Variants in DLC1 observed in about 807,000 individuals in gnomAD.
The protein encoded by DLC1 is DLC1 Rho GTPase activating protein, also known as rho GTPase-activating protein 7.
DLC1 carries 54 observed loss-of-function variants against 140.3 expected under a neutral mutation model. That is an observed-to-expected ratio of 0.38 (90% CI 0.31 to 0.48). The LOEUF is 0.48. Ranked by LOEUF, DLC1 falls within the 20% of genes least tolerant of loss-of-function variation. The pLI, the probability that DLC1 is intolerant of heterozygous loss-of-function variation, is 0.96. For synonymous variants in DLC1, 986 were observed against 728.1 expected (o/e 1.35, Z -5.70); for missense variants, 2,536 against 1,907.0 (o/e 1.33, Z -6.14).
intron 4 of DLC1, among the ~76,000 whole-genome samples, chr8:13,311,968 A>G (rs1832679978): frequency 1.3e-5 from 2 of 152,194 alleles, no homozygotes; most frequent in African/African-American, 4.8e-5. Context: ...GAGATACCTA[A>G]ATGTTGAATT....
At chr8:13,224,783 T>A (rs1828713425) in intron 5 of DLC1, among the ~76,000 whole-genome samples, 1 of 152,106 alleles carries the variant, frequency 6.6e-6, no homozygotes, top group East Asian at 1.9e-4. Context: ...GCCTACAGAT[T>A]TTTTCTCTTC....
intron 1 of DLC1, among the ~76,000 whole-genome samples, chr8:13,508,602 T>A (rs918054544): frequency 5.3e-5 from 8 of 152,134 alleles, no homozygotes; most frequent in Admixed American, 5.2e-4. Flanking sequence ...GTATTTTTAG[T>A]AGAGACAGGG....
intron 1 of DLC1, among the ~76,000 whole-genome samples, chr8:13,533,410 A>C (rs2117311820): frequency 6.6e-6 from 1 of 152,314 alleles, no homozygotes; most frequent in African/African-American, 2.4e-5. Flanking sequence ...GTTTCAGGCA[A>C]AATAACTTAT....
At chr8:13,569,343 A>G (rs756282724) in intron 1 of DLC1, among the ~76,000 whole-genome samples, 9 of 124,864 alleles carry the variant, frequency 7.2e-5, no homozygotes, top group Middle Eastern at 3.8e-3. Flanking sequence ...TAAGACCTTC[A>G]TTTATGTATA....
chr8:13,353,116 A>G (rs1834751081), intron 4 of DLC1, among the ~76,000 whole-genome samples: 1 of 152,156 alleles, frequency 6.6e-6, no homozygotes, highest in Non-Finnish European at 1.5e-5. Flanking sequence ...AAGGTGGCTG[A>G]AAGGTGGCTA....
At chr8:13,322,468 G>A (rs991476780) in intron 4 of DLC1, among the ~76,000 whole-genome samples, 2 of 127,252 alleles carry the variant, frequency 1.6e-5, no homozygotes, top group African/African-American at 2.8e-5. Flanking sequence ...TTATAACCTT[G>A]GATTTCATAT....
Position 13,187,394 on chromosome 8 carries a change from A to G in DLC1, c.1349-71737T>C, listed in dbSNP as rs189198763. On this transcript the variant is annotated intron_variant, in intron 5 of 17. Transcript: ENST00000276297. ...ACCTCCCTAATTTTTTCACTAGACT[A>G]TAGGTCCCATTGGGGCAGAGATTGT... 1.4e-4 allele frequency among the ~76,000 whole-genome samples: 21 copies of G among 152,228 alleles called. No homozygotes were observed. The East Asian group carries it at 1.7e-3, about 13-fold the overall frequency.
At chr8:13,118,833 C>T (rs984258793) in intron 5 of DLC1, among the ~76,000 whole-genome samples, 4 of 152,196 alleles carry the variant, frequency 2.6e-5, no homozygotes, top group African/African-American at 9.6e-5. Context: ...ACAACCCTCT[C>T]TTAAGAGAAT....
intron 1 of DLC1, among the ~76,000 whole-genome samples, chr8:13,520,422 G>C (rs1267169694): frequency 6.6e-6 from 1 of 152,044 alleles, no homozygotes; most frequent in Non-Finnish European, 1.5e-5. Context: ...GAGTTGAACA[G>C]TGGGAACTCA....
At chr8:13,522,877 T>A (rs1269027494) in intron 1 of DLC1, among the ~76,000 whole-genome samples, 1 of 151,962 alleles carries the variant, frequency 6.6e-6, no homozygotes, top group Non-Finnish European at 1.5e-5. Context: ...CATATAGATA[T>A]CTTGGGTCAC....
At chr8:13,377,796 C>T (rs1836068296) in intron 4 of DLC1, among the ~76,000 whole-genome samples, 2 of 151,956 alleles carry the variant, frequency 1.3e-5, no homozygotes, top group Middle Eastern at 3.4e-3. Flanking sequence ...GAATAGGTGG[C>T]GCCTAATGAT....
rs375680192 is a variant in DLC1 at position 13,499,354 on chromosome 8, G to T, written c.718C>A (p.Pro240Thr). The T allele has an allele frequency of 1.3e-5, 21 of 1,613,770 alleles. No homozygotes were observed. The highest frequency in any genetic ancestry group is 1.8e-5 in the Non-Finnish European group (21 of 1,180,006). The change falls in exon 2 of 18, where the codon CCC (proline) becomes ACC (threonine). Residue 240 changes from proline (P) to threonine (T), a missense_variant. Pro to Thr is a conservative substitution (Grantham distance 38). Transcript: ENST00000276297. ...VIAQQRRKPD[P>T]PKDENERSTC... Reference sequence around the variant, plus strand: ...CTTCTTTCATTTTCATCTTTAGGGGGGTCAGGTTTCCTTCGTTGCTGAGCA... The same window carrying T: ...CTTCTTTCATTTTCATCTTTAGGGGTGTCAGGTTTCCTTCGTTGCTGAGCA...
intron 5 of DLC1, among the ~76,000 whole-genome samples, chr8:13,262,572 T>G (rs1045612777): frequency 2.6e-5 from 4 of 152,174 alleles, no homozygotes; most frequent in African/African-American, 9.7e-5. Context: ...TGTTTATTTT[T>G]ATTTAGAGAT....
Position 13,425,038 on chromosome 8 carries a change from A to G in DLC1, c.1024-23419T>C, listed in dbSNP as rs148514623. Among the ~76,000 whole-genome samples the G allele has an allele frequency of 6.6e-5, 10 of 152,044 alleles. No individual in the cohort carries two copies. In the East Asian group the frequency reaches 1.9e-3, roughly 29 times the overall value. ...TTCTATGACTTTTTTTTCACATGCC[A>G]TGTGTCCAGGAATATTGTTTTGAAA... On this transcript the variant is annotated intron_variant, in intron 2 of 17. Transcript: ENST00000276297.
In DLC1 at chr8:13,276,663, C is replaced by T. The variant is rs1831185882; in HGVS notation, c.1348+28606G>A. The T allele has an allele frequency of 6.4e-6, 7 of 1,100,082 alleles. No homozygotes were observed. The South Asian group carries it at 2.0e-4, about 32-fold the overall frequency. The allele number at this position is 1,100,082 out of a possible 1,614,324, so 68.1% of individuals were successfully genotyped here. ...GAGCTGCAGCACAGCTATCCGGAGG[C>T]GTCTCGCTTCCTGTGCAACCCAATG... On this transcript the variant is annotated intron_variant, in intron 5 of 17. Coordinates refer to ENST00000276297, the MANE Select transcript of DLC1 (RefSeq NM_182643.3).
intron 5 of DLC1, among the ~76,000 whole-genome samples, chr8:13,222,770 G>T (rs571650425): frequency 1.3e-5 from 2 of 152,088 alleles, no homozygotes; most frequent in African/African-American, 4.8e-5. Context: ...GGGGGACAGG[G>T]TCTTGCTCTG....
chr8:13,476,348 T>C (rs4831439), intron 2 of DLC1, among the ~76,000 whole-genome samples: 43,416 of 152,136 alleles, frequency 0.29, 7,030 homozygotes, highest in Middle Eastern at 0.41. Context: ...ATTAGGAAGA[T>C]TGAAAACATA....
At chr8:13,341,554 C>A (rs1834052302) in intron 4 of DLC1, 1 of 152,124 alleles carries the variant, frequency 6.6e-6, no homozygotes, top group Non-Finnish European at 1.5e-5. Flanking sequence ...GATAGGGTGC[C>A]TTTGAGAATT....
At chr8:13,400,145 A>T (rs117929779) in intron 3 of DLC1, among the ~76,000 whole-genome samples, 3,839 of 152,324 alleles carry the variant, frequency 0.025, 69 homozygotes, top group Middle Eastern at 0.041. Flanking sequence ...CTAGAATATC[A>T]TAAAGATCAA....
Sources: allele counts gnomAD v4.1 joint callset (sites outside exome capture counted in the v4.1 genomes callset), GRCh38; gene constraint gnomAD v4.1.1; transcripts MANE v1.5; gene names NCBI Gene and HGNC (gene_info 2026-07-23, HGNC 2026-07-21).